Variants in SPTLC3 observed in about 807,000 individuals in gnomAD.
The protein encoded by SPTLC3 is serine palmitoyltransferase long chain base subunit 3, also known as serine palmitoyltransferase 3.
Under a neutral mutation model 59.3 loss-of-function variants are expected in SPTLC3, and 36 were observed. The observed-to-expected ratio is 0.61, with a 90% confidence interval of 0.47 to 0.80. The LOEUF is 0.80. Ranked by LOEUF, SPTLC3 falls within the 30% of genes least tolerant of loss-of-function variation. The pLI is 0.00. For synonymous variants in SPTLC3, 257 were observed against 240.8 expected (o/e 1.07, Z -0.62); for missense variants, 625 against 685.1 (o/e 0.91, Z 0.98).
intron 7 of SPTLC3, among the ~76,000 whole-genome samples, chr20:13,116,270 G>A (rs567501315): frequency 1.3e-5 from 2 of 152,250 alleles, no homozygotes; most frequent in Admixed American, 1.3e-4. Context: ...AAAAGGAGAC[G>A]TTCAACTCTG....
At chr20:13,104,263 T>G (rs1359964103) in intron 6 of SPTLC3, among the ~76,000 whole-genome samples, 1 of 152,202 alleles carries the variant, frequency 6.6e-6, no homozygotes, top group African/African-American at 2.4e-5. Context: ...AAATCTCATC[T>G]TGAATTGTAG....
intron 4 of SPTLC3, among the ~76,000 whole-genome samples, chr20:13,077,156 G>A (rs149862728): frequency 1.3e-5 from 2 of 151,956 alleles, no homozygotes; most frequent in African/African-American, 2.4e-5. Context: ...GAGACAATAA[G>A]GTGTCTCCCA....
chr20:13,112,768 C>T lies in SPTLC3; in HGVS notation c.932+2551C>T, dbSNP rs541604622. Among the ~76,000 whole-genome samples, 45 of 152,332 alleles carry T rather than the reference C, an allele frequency of 3.0e-4. No homozygotes were observed. The South Asian group carries it at 8.9e-3, about 30-fold the overall frequency. ...GCATCTCTTTGACAAGCCTCAATCG[C>T]TCTTGGGGGCTTCAATTTCCTCATC... On this transcript the variant is annotated intron_variant, in intron 7 of 11. Coordinates refer to ENST00000399002, the MANE Select transcript of SPTLC3 (RefSeq NM_018327.4).
chr20:13,067,150 G>A lies in SPTLC3; in HGVS notation c.304-5106G>A, dbSNP rs1430592160. On this transcript the variant is annotated intron_variant, in intron 2 of 11. Coordinates refer to ENST00000399002, the MANE Select transcript of SPTLC3 (RefSeq NM_018327.4). ...AGTGACTGTAGAAGTGGAACAGGAT[G>A]AGTTTTCCAGGGCCAGTAGATTGTC... Among the ~76,000 whole-genome samples, 5 of 87,700 alleles carry A rather than the reference G, an allele frequency of 5.7e-5. 2 individuals are homozygous for A. Among genetic ancestry groups the A allele is most frequent in the African/African-American group, 2.0e-4 (5 of 25,248 alleles). 57.5% of individuals were successfully genotyped at this position (87,700 alleles called of 152,430 possible). A position where few individuals can be genotyped will look rare whatever the true frequency, so the allele number is the denominator to read the frequency against.
intron 1 of SPTLC3, among the ~76,000 whole-genome samples, chr20:13,013,529 A>T (rs1405963773): frequency 6.6e-6 from 1 of 152,120 alleles, no homozygotes; most frequent in Non-Finnish European, 1.5e-5. Flanking sequence ...TCATTTTCTA[A>T]TGCCTTTGTT....
At chr20:13,087,567 A>G (rs1209236705) in intron 4 of SPTLC3, among the ~76,000 whole-genome samples, 2 of 152,150 alleles carry the variant, frequency 1.3e-5, no homozygotes, top group East Asian at 1.9e-4. Context: ...CCCTGTCTTC[A>G]TTATTCATCA....
chr20:13,073,167 T>C (rs1396351171), intron 3 of SPTLC3, among the ~76,000 whole-genome samples: 3 of 152,066 alleles, frequency 2.0e-5, no homozygotes, highest in Non-Finnish European at 4.4e-5. Flanking sequence ...TCACACCATA[T>C]CTTTGTACCT....
intron 1 of SPTLC3, among the ~76,000 whole-genome samples, chr20:13,047,608 A>G (rs1987285989): frequency 6.6e-6 from 1 of 152,130 alleles, no homozygotes; most frequent in African/African-American, 2.4e-5. Flanking sequence ...ACAATTAAAT[A>G]TTAGCATTAG....
At chr20:13,040,378 T>A (rs1986925639) in intron 1 of SPTLC3, among the ~76,000 whole-genome samples, 1 of 152,070 alleles carries the variant, frequency 6.6e-6, no homozygotes, top group Non-Finnish European at 1.5e-5. Context: ...TTTTTTTTTT[T>A]TGACGGAGTC....
intron 2 of SPTLC3, among the ~76,000 whole-genome samples, chr20:13,063,494 A>G (rs2122543110): frequency 6.6e-6 from 1 of 152,050 alleles, no homozygotes; most frequent in Non-Finnish European, 1.5e-5. Context: ...AGTCGTGTTT[A>G]TAAAATGTTC....
intron 8 of SPTLC3, among the ~76,000 whole-genome samples, chr20:13,125,178 G>A (rs879317806): frequency 5.3e-5 from 8 of 152,204 alleles, no homozygotes; most frequent in South Asian, 2.1e-4. Context: ...TCACCACTGC[G>A]GCATTAGATT....
intron 1 of SPTLC3, among the ~76,000 whole-genome samples, chr20:13,016,962 A>T (rs902068098): frequency 6.6e-6 from 1 of 152,150 alleles, no homozygotes; most frequent in Non-Finnish European, 1.5e-5. Flanking sequence ...AACTCAACCA[A>T]GGTCACCAAC....
intron 4 of SPTLC3, among the ~76,000 whole-genome samples, chr20:13,081,021 A>T (rs1166714173): frequency 6.6e-6 from 1 of 152,194 alleles, no homozygotes; most frequent in Non-Finnish European, 1.5e-5. Context: ...TAAGTTGCTT[A>T]AACTCAAATC....
At chr20:13,037,551 C>T (rs1034510810) in intron 1 of SPTLC3, among the ~76,000 whole-genome samples, 2 of 152,110 alleles carry the variant, frequency 1.3e-5, no homozygotes, top group Non-Finnish European at 2.9e-5. Flanking sequence ...GTAGTAATGA[C>T]AGTTGGACCA....
intron 8 of SPTLC3, 125 bp from the exon 9 acceptor site, chr20:13,126,466 T>C (rs2037992524): frequency 1.8e-6 from 2 of 1,138,490 alleles, no homozygotes; most frequent in South Asian, 3.6e-5. Context: ...TTGGACCCCA[T>C]TCATCTTTTG....
At chr20:13,048,318 T>C (rs191189315) in intron 1 of SPTLC3, among the ~76,000 whole-genome samples, 11 of 152,332 alleles carry the variant, frequency 7.2e-5, no homozygotes, top group African/African-American at 2.2e-4. Context: ...ACACACTGGA[T>C]TTACTTGTTT....
At chr20:13,149,692 T>C (rs1158818032) in intron 9 of SPTLC3, among the ~76,000 whole-genome samples, 2 of 152,192 alleles carry the variant, frequency 1.3e-5, no homozygotes, top group African/African-American at 4.8e-5. Flanking sequence ...AAACATTTAG[T>C]TCTTAGGAGT....
chr20:13,072,196 T>C (rs1600251452), intron 2 of SPTLC3, 60 bp from the exon 3 acceptor site: 2 of 1,531,868 alleles, frequency 1.3e-6, no homozygotes, highest in Non-Finnish European at 1.8e-6. Context: ...CCTGCTTCAA[T>C]TGTAAGTGAA....
At chr20:13,054,270 T>C (rs753288839) in intron 2 of SPTLC3, among the ~76,000 whole-genome samples, 10 of 151,326 alleles carry the variant, frequency 6.6e-5, no homozygotes, top group Non-Finnish European at 1.5e-4. Flanking sequence ...CTATAATGGG[T>C]TCTTTTAGTA....
Sources: gnomAD v4.1 joint callset for allele counts (sites outside exome capture counted in the v4.1 genomes callset) on GRCh38, gnomAD v4.1.1 for gene constraint, MANE v1.5 for transcripts, NCBI Gene and HGNC (gene_info 2026-07-23, HGNC 2026-07-21) for gene names.